Variants in NBEAL1 observed in about 807,000 individuals in gnomAD.
NBEAL1 encodes the protein neurobeachin-like protein 1.
Under a neutral mutation model 351.3 loss-of-function variants are expected in NBEAL1, and 273 were observed. That is an observed-to-expected ratio of 0.78 (90% CI 0.70 to 0.86). The LOEUF is 0.86. Ranked by LOEUF, NBEAL1 falls within the 40% of genes least tolerant of loss-of-function variation. The pLI is 0.00. For synonymous variants in NBEAL1, 1,050 were observed against 1,086.4 expected, an observed-to-expected ratio of 0.97 and a Z score of 0.66; for missense variants, 2,961 against 3,201.3, an observed-to-expected ratio of 0.92 and a Z score of 1.81.
At chr2:203,202,461 T>C (rs2065427123) in intron 50 of NBEAL1, among the ~76,000 whole-genome samples, 1 of 152,168 alleles carries the variant, frequency 6.6e-6, no homozygotes, top group Non-Finnish European at 1.5e-5. Context: ...CATGTCGACT[T>C]CTCATGCTCA....
Position 203,193,907 on chromosome 2 carries a change from T to C in NBEAL1, c.7034T>C (p.Ile2345Thr), listed in dbSNP as rs776739026. 1 of 1,555,824 alleles carries C rather than the reference T, an allele frequency of 6.4e-7. No individual in the cohort carries two copies. The highest frequency in any genetic ancestry group is 1.4e-5 in the African/African-American group (1 of 73,762). The change falls in exon 47 of 56, where the codon ATA becomes ACA. Residue 2345 changes from isoleucine to threonine, a missense_variant. Ile to Thr is a moderately conservative substitution (Grantham distance 89). Coordinates refer to ENST00000683969, the MANE Select transcript of NBEAL1 (RefSeq NM_001378026.1). ...CTTCCTGAACTCAAGTCATTTTTTA[T>C]AGAGGTAATATCCTACTTGGTAATA... ...QHLPELKSFF[I>T]EGISDGIPLL...
intron 19 of NBEAL1, among the ~76,000 whole-genome samples, chr2:203,123,051 G>A: frequency 6.9e-6 from 1 of 145,598 alleles, no homozygotes. Context: ...TTAAATAAAA[G>A]AAATATAAAA....
At chr2:203,017,821 G>A (rs1259655924) in intron 2 of NBEAL1, among the ~76,000 whole-genome samples, 3 of 151,866 alleles carry the variant, frequency 2.0e-5, no homozygotes, top group African/African-American at 7.3e-5. Flanking sequence ...ATTCTTAATG[G>A]CTTTTAATAT....
At chr2:203,147,330 T>C (rs1278165599) in intron 33 of NBEAL1, among the ~76,000 whole-genome samples, 1 of 152,060 alleles carries the variant, frequency 6.6e-6, no homozygotes, top group East Asian at 1.9e-4. Context: ...GGACATAAAA[T>C]CAATACACAA....
intron 2 of NBEAL1, among the ~76,000 whole-genome samples, chr2:203,029,867 T>C (rs1241639818): frequency 6.6e-6 from 1 of 152,220 alleles, no homozygotes; most frequent in Non-Finnish European, 1.5e-5. Flanking sequence ...TGGGTTTTCC[T>C]TTCATTAAAA....
intron 14 of NBEAL1, among the ~76,000 whole-genome samples, chr2:203,109,665 G>A (rs975332438): frequency 6.6e-6 from 1 of 151,896 alleles, no homozygotes; most frequent in African/African-American, 2.4e-5. Context: ...GACTACAGGC[G>A]CCCGCCACCA....
rs1015676319 is a variant in NBEAL1 at position 203,039,526 on chromosome 2, C to G, written c.52-2239C>G. ...TCAAGCAATTCTCATGCCTCAGCCC[C>G]CCGACTACAGGCTTGTACCACCACA... On this transcript the variant is annotated intron_variant, in intron 2 of 55. Transcript: ENST00000683969. Among the ~76,000 whole-genome samples the G allele has an allele frequency of 2.9e-5, 4 of 139,432 alleles. 1 individual carries two copies. The highest frequency in any genetic ancestry group is 1.6e-5 in the Non-Finnish European group (1 of 60,900). The allele number at this position is 139,432 out of a possible 152,430, so 91.5% of individuals were successfully genotyped here. A position where few individuals can be genotyped will look rare whatever the true frequency, so the allele number is the denominator to read the frequency against.
intron 12 of NBEAL1, among the ~76,000 whole-genome samples, chr2:203,099,947 C>T (rs1005150249): frequency 1.3e-5 from 2 of 152,092 alleles, no homozygotes; most frequent in African/African-American, 4.8e-5. Flanking sequence ...TTCTTTGTGT[C>T]CATATGAACT....
chr2:203,206,533 A>G (rs1050170198), intron 51 of NBEAL1, among the ~76,000 whole-genome samples: 2 of 151,962 alleles, frequency 1.3e-5, no homozygotes, highest in African/African-American at 4.8e-5. Context: ...CTCCTGCCTC[A>G]GCCTGCCGAG....
chr2:203,104,171 C>T (rs891316316), intron 12 of NBEAL1, among the ~76,000 whole-genome samples: 22 of 152,026 alleles, frequency 1.4e-4, no homozygotes, highest in African/African-American at 5.1e-4. Context: ...AGTTTTCTAC[C>T]TCAATGATCT....
At chr2:203,177,227 C>T (rs1249788970) in intron 42 of NBEAL1, among the ~76,000 whole-genome samples, 3 of 147,116 alleles carry the variant, frequency 2.0e-5, no homozygotes, top group African/African-American at 7.5e-5. Flanking sequence ...TATATTTGTA[C>T]CTAGAATATA....
At chr2:203,209,015 T>C in intron 52 of NBEAL1, 146 bp from the exon 53 acceptor site, 1 of 665,294 alleles carries the variant, frequency 1.5e-6, no homozygotes, top group South Asian at 2.5e-5. Context: ...AAGTTGGAAT[T>C]TTTCCTAAGG....
At chr2:203,095,015 T>A (rs569371095) in intron 10 of NBEAL1, among the ~76,000 whole-genome samples, 41 of 152,028 alleles carry the variant, frequency 2.7e-4, no homozygotes, top group African/African-American at 9.9e-4. Flanking sequence ...TCCCAGCCAC[T>A]CAGGAGGCTG....
chr2:203,033,419 G>T (rs1030594980), intron 2 of NBEAL1, among the ~76,000 whole-genome samples: 2 of 152,206 alleles, frequency 1.3e-5, no homozygotes, highest in Admixed American at 1.3e-4. Context: ...ATATTGAACA[G>T]GCCACTATCC....
At chr2:203,215,336 T>C (rs917874041) in intron 55 of NBEAL1, among the ~76,000 whole-genome samples, 1 of 151,990 alleles carries the variant, frequency 6.6e-6, no homozygotes, top group Non-Finnish European at 1.5e-5. Context: ...TCGTCTCTAC[T>C]AAAAATACAA....
chr2:203,159,082 G>T (rs2063877391), intron 36 of NBEAL1, among the ~76,000 whole-genome samples: 1 of 152,080 alleles, frequency 6.6e-6, no homozygotes, highest in Non-Finnish European at 1.5e-5. Context: ...GTTTCCCAAA[G>T]TGCTTGGATT....
In NBEAL1 at chr2:203,122,307, A is replaced by T; in HGVS notation, c.2646A>T (p.Arg882Ser). Residue 882 changes from arginine (R) to serine (S), a missense_variant, in exon 19 of 56, where the codon AGA (arginine) becomes AGT (serine). Transcript: ENST00000683969. Reference protein sequence around the residue: ...LDLSTNCLHGRLTGNKVVNWD... With the variant: ...LDLSTNCLHGSLTGNKVVNWD... ...TATCTACTAATTGTTTGCATGGAAGATTAACAGGAAACAAAGTAGTGAACT... is the reference window on the plus strand; with the variant it reads ...TATCTACTAATTGTTTGCATGGAAGTTTAACAGGAAACAAAGTAGTGAACT... The T allele has an allele frequency of 1.3e-6, 2 of 1,545,538 alleles. No homozygotes were observed. Among genetic ancestry groups the T allele is most frequent in the Non-Finnish European group, 1.7e-6 (2 of 1,144,556 alleles).
chr2:203,091,830 GTCT>G (rs754959936), intron 10 of NBEAL1, among the ~76,000 whole-genome samples: 34 of 152,156 alleles, frequency 2.2e-4, no homozygotes, highest in African/African-American at 8.2e-4. Flanking sequence ...ATTTGTTATT[GTCT>G]TCTTGTTGAT....
In NBEAL1 at chr2:203,093,371, A is replaced by AT. The variant is rs1283251284; in HGVS notation, c.1099-4175dup. ...CAGATATAACAAATTTCTGATATGA[A>AT]TATCTTTTTAAAAAATACAAAGCTG... On this transcript the variant is annotated intron_variant, in intron 10 of 55. Coordinates refer to ENST00000683969, the MANE Select transcript of NBEAL1 (RefSeq NM_001378026.1). Among the ~76,000 whole-genome samples, 4 of 152,146 alleles carry AT rather than the reference A, an allele frequency of 2.6e-5. No homozygotes were observed. The East Asian group carries it at 7.7e-4, about 29-fold the overall frequency.
Sources: gnomAD v4.1 joint callset for allele counts (sites outside exome capture counted in the v4.1 genomes callset) on GRCh38, gnomAD v4.1.1 for gene constraint, MANE v1.5 for transcripts, NCBI Gene and HGNC (gene_info 2026-07-23, HGNC 2026-07-21) for gene names.